Variants in ARHGAP18 observed in about 807,000 individuals in gnomAD.
ARHGAP18 encodes Rho GTPase activating protein 18.
Under a neutral mutation model 86.2 loss-of-function variants are expected in ARHGAP18, and 67 were observed. The ratio of observed to expected loss-of-function variants is 0.78; its 90% confidence interval spans 0.64 to 0.95. The LOEUF (loss-of-function observed/expected upper bound fraction) is 0.95, where lower values mean the gene tolerates loss of function less well. Ranked by LOEUF, ARHGAP18 falls within the 40% of genes least tolerant of loss-of-function variation. The pLI is 0.00. For missense variants in ARHGAP18, 691 were observed against 780.4 expected, an observed-to-expected ratio of 0.89 and a Z score of 1.37; for synonymous variants, 283 against 280.4, an observed-to-expected ratio of 1.01 and a Z score of -0.09.
chr6:129,617,284 A>C (rs1027837145), intron 6 of ARHGAP18, among the ~76,000 whole-genome samples: 1 of 152,190 alleles, frequency 6.6e-6, no homozygotes. Flanking sequence ...GGTTAGCACC[A>C]AAGTGATAAC....
intron 1 of ARHGAP18, among the ~76,000 whole-genome samples, chr6:129,678,412 AACGGATGCCTGGCAAAGTGCAG>A (rs567588879): frequency 8.3e-4 from 127 of 152,334 alleles, no homozygotes; most frequent in African/African-American, 3.0e-3. Context: ...CAACACACTC[AACGGATGCCTGGCAAAGTGCAG>A]GAGCCGCTGG....
intron 1 of ARHGAP18, among the ~76,000 whole-genome samples, chr6:129,681,837 T>C (rs1278856644): frequency 6.6e-6 from 1 of 152,212 alleles, no homozygotes; most frequent in Non-Finnish European, 1.5e-5. Flanking sequence ...AGTTCACAGG[T>C]TAGGCAATCC....
intron 4 of ARHGAP18, among the ~76,000 whole-genome samples, chr6:129,631,364 AAC>A (rs1268923838): frequency 1.3e-5 from 2 of 151,650 alleles, no homozygotes; most frequent in Non-Finnish European, 2.9e-5. Flanking sequence ...GTACACATTT[AAC>A]ACACACATTT....
chr6:129,580,665 T>C (rs1014385765), intron 13 of ARHGAP18, among the ~76,000 whole-genome samples: 1 of 152,102 alleles, frequency 6.6e-6, no homozygotes, highest in African/African-American at 2.4e-5. Flanking sequence ...AGCAGGTAGA[T>C]CGCTTGAGCC....
chr6:129,625,813 T>TATTTATATATTATATATTATAC (rs1562698343), intron 5 of ARHGAP18, among the ~76,000 whole-genome samples: 3 of 84,704 alleles, frequency 3.5e-5, no homozygotes, highest in South Asian at 3.1e-4. Flanking sequence ...ATATATTATA[T>TATTTATATATTATATATTATAC]ATTTATATAT....
rs562598596 is a variant in ARHGAP18, at chr6:129,596,205, A to G, written c.1713+3011T>C. 7.2e-5 allele frequency among the ~76,000 whole-genome samples: 11 copies of G among 152,278 alleles called. No individual in the cohort carries two copies. In the South Asian group the frequency reaches 1.9e-3, roughly 26 times the overall value. ...AATGATGGTCTATCTACAAGGCCCT[A>G]TGCAATCTTGCCCCATTGCCCCTCT... On this transcript the variant is annotated intron_variant, in intron 12 of 14. Coordinates refer to ENST00000368149, the MANE Select transcript of ARHGAP18 (RefSeq NM_033515.3).
chr6:129,600,514 C>T, intron 11 of ARHGAP18, 128 bp downstream of exon 11: 1 of 710,670 alleles, frequency 1.4e-6, no homozygotes, highest in Non-Finnish European at 2.2e-6. Flanking sequence ...CCCTCCTTAC[C>T]TATATGAATA....
intron 1 of ARHGAP18, among the ~76,000 whole-genome samples, chr6:129,655,317 C>CAAAAAAAAAAAAAAAAAAAA (rs55681217): frequency 3.3e-4 from 25 of 75,060 alleles, no homozygotes; most frequent in Admixed American, 6.7e-4. Context: ...AAAACTCTCT[C>CAAAAAAAAAAAAAAAAAAAA]AAAAAAAAAA....
At chr6:129,691,055 G>C (rs1774519053) in intron 1 of ARHGAP18, among the ~76,000 whole-genome samples, 1 of 152,132 alleles carries the variant, frequency 6.6e-6, no homozygotes, top group African/African-American at 2.4e-5. Context: ...GTAATACAAT[G>C]CATGTAATAT....
intron 5 of ARHGAP18, among the ~76,000 whole-genome samples, chr6:129,624,094 C>T (rs1001165046): frequency 6.6e-6 from 1 of 152,140 alleles, no homozygotes. Context: ...TGAAAGCTCT[C>T]AAGTGGAGAT....
chr6:129,666,269 C>T (rs1254597640), intron 1 of ARHGAP18, among the ~76,000 whole-genome samples: 1 of 152,194 alleles, frequency 6.6e-6, no homozygotes, highest in Middle Eastern at 3.2e-3. Context: ...AGCAAAGCTC[C>T]GAAAGTAGAG....
At chr6:129,687,798 T>A (rs1219464685) in intron 1 of ARHGAP18, among the ~76,000 whole-genome samples, 27 of 151,180 alleles carry the variant, frequency 1.8e-4, no homozygotes, top group Non-Finnish European at 4.4e-5. Context: ...CATTTTTTTT[T>A]AAGTTATTTC....
At chr6:129,647,439 T>G (rs1338167403) in intron 1 of ARHGAP18, among the ~76,000 whole-genome samples, 1 of 152,178 alleles carries the variant, frequency 6.6e-6, no homozygotes, top group African/African-American at 2.4e-5. Flanking sequence ...CTTCTGACCC[T>G]TCGAGGCATT....
intron 12 of ARHGAP18, among the ~76,000 whole-genome samples, chr6:129,597,574 T>G (rs1788639433): frequency 6.6e-6 from 1 of 152,128 alleles, no homozygotes; most frequent in Middle Eastern, 3.2e-3. Context: ...ATCACATACC[T>G]CTGAGCTACA....
chr6:129,623,916 G>A (rs1488919993), intron 5 of ARHGAP18, among the ~76,000 whole-genome samples: 4 of 152,184 alleles, frequency 2.6e-5, no homozygotes, highest in African/African-American at 4.8e-5. Flanking sequence ...CTGATCTTGA[G>A]CTAGTCTCTG....
intron 14 of ARHGAP18, 151 bp downstream of exon 14, chr6:129,579,919 A>G: frequency 1.4e-6 from 1 of 708,398 alleles, no homozygotes; most frequent in Non-Finnish European, 2.4e-6. Context: ...GAAAGGTCAA[A>G]CCATTAAAGA....
intron 4 of ARHGAP18, among the ~76,000 whole-genome samples, chr6:129,630,077 G>C (rs144759198): frequency 9.2e-5 from 14 of 152,086 alleles, no homozygotes; most frequent in African/African-American, 3.4e-4. Context: ...ATCACTATGC[G>C]AGTCAGGTCA....
At chr6:129,709,029 C>G (rs1420837165) in intron 1 of ARHGAP18, among the ~76,000 whole-genome samples, 4 of 152,180 alleles carry the variant, frequency 2.6e-5, no homozygotes, top group Non-Finnish European at 4.4e-5. Context: ...CTCCCTCCCT[C>G]ATATTTGGAG....
chr6:129,657,740 C>T (rs1773868922), intron 1 of ARHGAP18, among the ~76,000 whole-genome samples: 1 of 152,202 alleles, frequency 6.6e-6, no homozygotes, highest in South Asian at 2.1e-4. Flanking sequence ...ATCTGTGCTG[C>T]ATTAGGCTGC....
Sources: gnomAD v4.1 joint callset for allele counts (sites outside exome capture counted in the v4.1 genomes callset) on GRCh38, gnomAD v4.1.1 for gene constraint, MANE v1.5 for transcripts, NCBI Gene and HGNC (gene_info 2026-07-23, HGNC 2026-07-21) for gene names.